The following DAOA variants were observed in gnomAD, a reference collection of about 807,000 sequenced individuals.
The protein encoded by DAOA is D-amino acid oxidase activator.
In DAOA, 15 loss-of-function variants were observed where a neutral mutation model predicts 16.4. The ratio of observed to expected loss-of-function variants is 0.91; its 90% CI spans 0.61 to 1.41. The LOEUF (loss-of-function observed/expected upper bound fraction) is 1.41, where lower values mean the gene tolerates loss of function less well. Among genes scored for constraint, DAOA ranks in the 40% most tolerant of loss-of-function variants. The pLI, the probability that DAOA is intolerant of heterozygous loss-of-function variation, is 0.00. For synonymous variants in DAOA, 75 were observed against 59.1 expected, an observed-to-expected ratio of 1.27 and a Z score of -1.23; for missense variants, 230 against 176.8, an observed-to-expected ratio of 1.30 and a Z score of -1.71.
chr13:105,484,031 A>G (rs897606040), intron 4 of DAOA, among the ~76,000 whole-genome samples: 1 of 152,112 alleles, frequency 6.6e-6, no homozygotes, highest in Non-Finnish European at 1.5e-5. Flanking sequence ...ACCAACATCT[A>G]TAATTCAACT....
intron 4 of DAOA, among the ~76,000 whole-genome samples, chr13:105,487,675 AAATT>A (rs1322657659): frequency 1.2e-4 from 19 of 152,180 alleles, no homozygotes; most frequent in African/African-American, 1.7e-4. Flanking sequence ...GAAAACTAGA[AAATT>A]AATTAACCAA....
chr13:105,483,011 C>T (rs1877859922), intron 4 of DAOA, among the ~76,000 whole-genome samples: 1 of 152,064 alleles, frequency 6.6e-6, no homozygotes, highest in Non-Finnish European at 1.5e-5. Flanking sequence ...TCTTATGCTC[C>T]TTTTAATCTC....
At position 105,472,462 on chromosome 13, in the gene DAOA, T is replaced by C. The variant is rs1442537707; in HGVS notation, c.134-76T>C. The C allele has an allele frequency of 4.7e-6, 7 of 1,479,722 alleles. No individual in the cohort carries two copies. In the Admixed American group the frequency reaches 1.6e-4, roughly 35 times the overall value. 91.7% of individuals were successfully genotyped at this position (1,479,722 alleles called of 1,614,324 possible). ...GACAATTCCTACAATCGCTCCACAGTCATTAAACCAACATGTATGTTAAAA... is the reference window on the plus strand; with the variant it reads ...GACAATTCCTACAATCGCTCCACAGCCATTAAACCAACATGTATGTTAAAA... On this transcript the variant is annotated intron_variant, in intron 3 of 5. Coordinates refer to ENST00000375936, the MANE Select transcript of DAOA (RefSeq NM_172370.5).
intron 4 of DAOA, among the ~76,000 whole-genome samples, chr13:105,488,979 AAC>A (rs1190140778): frequency 6.6e-6 from 1 of 152,200 alleles, no homozygotes; most frequent in Non-Finnish European, 1.5e-5. Flanking sequence ...TGGGACACAC[AAC>A]ACAGTCATGC....
intron 4 of DAOA, among the ~76,000 whole-genome samples, chr13:105,487,953 G>A (rs1594120834): frequency 6.6e-6 from 1 of 152,074 alleles, no homozygotes; most frequent in African/African-American, 2.4e-5. Context: ...CTTTGAATCT[G>A]GCAGGAACAT....
intron 4 of DAOA, among the ~76,000 whole-genome samples, chr13:105,476,766 T>C (rs1877370136): frequency 6.6e-6 from 1 of 151,960 alleles, no homozygotes. Flanking sequence ...ACCTGGTGAG[T>C]ACTCTAACTC....
At chr13:105,468,389 T>C (rs183112768) in intron 3 of DAOA, among the ~76,000 whole-genome samples, 23 of 152,342 alleles carry the variant, frequency 1.5e-4, no homozygotes, top group East Asian at 1.9e-4. Flanking sequence ...CTGAATTTTA[T>C]TTTGCCTCAA....
intron 4 of DAOA, among the ~76,000 whole-genome samples, chr13:105,481,472 C>CAT (rs1436442047): frequency 6.6e-6 from 1 of 152,144 alleles, no homozygotes; most frequent in Non-Finnish European, 1.5e-5. Flanking sequence ...GTGGCTATTT[C>CAT]ATATATGTTT....
intron 3 of DAOA, among the ~76,000 whole-genome samples, chr13:105,469,994 C>A (rs1876813815): frequency 6.6e-6 from 1 of 151,926 alleles, no homozygotes; most frequent in African/African-American, 2.4e-5. Context: ...TTGGCTTTTA[C>A]AATAAATTCC....
chr13:105,469,779 T>C (rs988814810), intron 3 of DAOA, among the ~76,000 whole-genome samples: 37 of 152,218 alleles, frequency 2.4e-4, no homozygotes, highest in Admixed American at 2.0e-3. Flanking sequence ...AATTTTGTGA[T>C]GTGTGGGGAA....
At chr13:105,470,122 T>TC (rs1378909696) in intron 3 of DAOA, among the ~76,000 whole-genome samples, 1 of 151,812 alleles carries the variant, frequency 6.6e-6, no homozygotes, top group Non-Finnish European at 1.5e-5. Context: ...TGGAATTTTT[T>TC]TTTTTTTTTG....
chr13:105,468,459 T>A (rs1876693445), intron 3 of DAOA, among the ~76,000 whole-genome samples: 1 of 152,360 alleles, frequency 6.6e-6, no homozygotes, highest in East Asian at 1.9e-4. Flanking sequence ...TTTTAATTTC[T>A]GACCAAGATT....
At chr13:105,473,272 G>C (rs1400160799) in intron 4 of DAOA, among the ~76,000 whole-genome samples, 1 of 151,792 alleles carries the variant, frequency 6.6e-6, no homozygotes, top group African/African-American at 2.4e-5. Flanking sequence ...GCTCTACCAA[G>C]CTACAATATC....
chr13:105,479,083 T>C (rs924511206), intron 4 of DAOA, among the ~76,000 whole-genome samples: 1 of 152,216 alleles, frequency 6.6e-6, no homozygotes, highest in African/African-American at 2.4e-5. Flanking sequence ...GGACCATTTA[T>C]CTTTATCTCT....
intron 4 of DAOA, among the ~76,000 whole-genome samples, chr13:105,473,158 T>C (rs1028998860): frequency 1.4e-5 from 2 of 141,576 alleles, no homozygotes; most frequent in African/African-American, 2.9e-5. Flanking sequence ...TACGTGAGAG[T>C]GTGTGTGTGT....
Position 105,472,628 on chromosome 13 carries a change from G to T in DAOA, c.224G>T (p.Arg75Met). 6.2e-7 allele frequency: 1 copy of T among 1,614,042 alleles called. No homozygotes were observed. The highest frequency in any genetic ancestry group is 8.5e-7 in the Non-Finnish European group (1 of 1,179,946). ...GACGGCTATTTGGAAATGGCACAGA[G>T]GCATTTACAGAGATCATTATGTCCT... is the stretch of plus-strand genomic sequence containing the variant. Reference protein sequence around the residue: ...HEDGYLEMAQRHLQRSLCPWV... With the variant: ...HEDGYLEMAQMHLQRSLCPWV... Residue 75 changes from arginine (R) to methionine (M), a missense_variant, in exon 4 of 6, where the codon AGG becomes ATG. By Grantham distance (91) the Arg-to-Met change is moderately conservative. Transcript: ENST00000375936.
rs746847560 is a variant in DAOA at position 105,472,598 on chromosome 13, A to C, written c.194A>C (p.His65Pro). ...VTRKEGWKRR[H>P]EDGYLEMAQR... Reference sequence around the variant, plus strand: ...AGGAAAGAAGGATGGAAGAGAAGGCATGAGGACGGCTATTTGGAAATGGCA... The same window carrying C: ...AGGAAAGAAGGATGGAAGAGAAGGCCTGAGGACGGCTATTTGGAAATGGCA... Residue 65 changes from histidine (H) to proline (P), a missense_variant, in exon 4 of 6, where the codon CAT becomes CCT. His to Pro is a moderately conservative substitution (Grantham distance 77). Transcript: ENST00000375936. 1 of 1,614,130 alleles carries C rather than the reference A, an allele frequency of 6.2e-7. No homozygotes were observed. Among genetic ancestry groups the C allele is most frequent in the Non-Finnish European group, 8.5e-7 (1 of 1,179,982 alleles).
intron 4 of DAOA, among the ~76,000 whole-genome samples, chr13:105,478,903 G>A (rs1270057671): frequency 6.6e-6 from 1 of 152,094 alleles, no homozygotes; most frequent in African/African-American, 2.4e-5. Flanking sequence ...TCAATTTTTA[G>A]CCAAACTAAC....
At chr13:105,484,989 T>A (rs1566382800) in intron 4 of DAOA, among the ~76,000 whole-genome samples, 1 of 152,198 alleles carries the variant, frequency 6.6e-6, no homozygotes, top group Non-Finnish European at 1.5e-5. Context: ...AAATGTCCTG[T>A]CTGTTTCTTG....
Sources: gnomAD v4.1 joint callset for allele counts (sites outside exome capture counted in the v4.1 genomes callset) on GRCh38, gnomAD v4.1.1 for gene constraint, MANE v1.5 for transcripts, NCBI Gene and HGNC (gene_info 2026-07-23, HGNC 2026-07-21) for gene names.